PEAK1: variants seen among roughly 807,000 people sequenced by gnomAD.
The protein encoded by PEAK1 is inactive tyrosine-protein kinase PEAK1.
In PEAK1, 54 loss-of-function variants were observed where a neutral mutation model predicts 124.7. The ratio of observed to expected loss-of-function variants is 0.43; its 90% confidence interval spans 0.35 to 0.54. PEAK1 has a LOEUF of 0.54. PEAK1 is among the 20% of genes least tolerant of loss of function. The probability of loss-of-function intolerance (pLI) is 0.01; values close to 1 mark genes in which losing one functional copy is unlikely to be tolerated. For missense variants in PEAK1, 2,046 were observed against 2,134.5 expected (o/e 0.96, Z 0.82); for synonymous variants, 719 against 760.0 (o/e 0.95, Z 0.89).
chr15:77,395,647 G>C (rs542475834), intron 1 of PEAK1, among the ~76,000 whole-genome samples: 33 of 151,892 alleles, frequency 2.2e-4, no homozygotes, highest in Non-Finnish European at 4.1e-4. Flanking sequence ...CGAGACAAGA[G>C]GCACAACATA....
chr15:77,152,449 C>A (rs1233357429), intron 8 of PEAK1, among the ~76,000 whole-genome samples: 1 of 152,100 alleles, frequency 6.6e-6, no homozygotes, highest in Non-Finnish European at 1.5e-5. Flanking sequence ...GACAATTTGA[C>A]TTCCTCTTTT....
At chr15:77,420,741 C>G (rs1435056662), upstream of PEAK1, 6 of 396,752 alleles carry the variant, frequency 1.5e-5, no homozygotes, top group African/African-American at 4.1e-5. Flanking sequence ...TGTGAAGGTA[C>G]CGTGGAAAAT....
At chr15:77,266,250 A>G (rs2152948324) in intron 5 of PEAK1, among the ~76,000 whole-genome samples, 1 of 152,248 alleles carries the variant, frequency 6.6e-6, no homozygotes, top group South Asian at 2.1e-4. Flanking sequence ...GTTAAAGTAT[A>G]ATAATAAAAA....
At chr15:77,351,049 CT>C in intron 2 of PEAK1, 1 of 643,456 alleles carries the variant, frequency 1.6e-6, no homozygotes, top group Non-Finnish European at 1.9e-6. Context: ...CAGCCCCTGC[CT>C]TCAGAGGCAG....
At chr15:77,337,758 G>T (rs981072003) in intron 2 of PEAK1, 2 of 985,166 alleles carry the variant, frequency 2.0e-6, no homozygotes, top group African/African-American at 3.5e-5. Context: ...AAGAGCTGGG[G>T]AGACAAAATC....
intron 5 of PEAK1, among the ~76,000 whole-genome samples, chr15:77,263,648 G>A (rs1385602878): frequency 2.0e-5 from 3 of 152,110 alleles, no homozygotes; most frequent in Non-Finnish European, 2.9e-5. Flanking sequence ...AGGACCAGAT[G>A]GATTCACAGC....
intron 8 of PEAK1, among the ~76,000 whole-genome samples, chr15:77,145,125 T>C (rs2054080330): frequency 1.3e-5 from 2 of 152,244 alleles, no homozygotes; most frequent in African/African-American, 4.8e-5. Context: ...TGAGCTTCCA[T>C]AATCTACCTC....
intron 2 of PEAK1, among the ~76,000 whole-genome samples, chr15:77,315,001 A>C (rs2064783028): frequency 6.6e-6 from 1 of 152,128 alleles, no homozygotes. Flanking sequence ...TCAGCATCAC[A>C]CAGTATACCC....
intron 8 of PEAK1, among the ~76,000 whole-genome samples, chr15:77,152,536 G>T (rs2054739748): frequency 6.6e-6 from 1 of 152,102 alleles, no homozygotes; most frequent in East Asian, 1.9e-4. Flanking sequence ...TTGAATAGGA[G>T]CGGTGAGAGA....
At position 77,252,396 on chromosome 15, in the gene PEAK1, T is replaced by C; in HGVS notation, c.-144A>G. The C allele has an allele frequency of 2.0e-6, 2 of 985,450 alleles. No individual in the cohort carries two copies. Among genetic ancestry groups the C allele is most frequent in the Non-Finnish European group, 2.4e-6 (2 of 829,906 alleles). The allele number at this position is 985,450 out of a possible 1,614,324, so 61.0% of individuals were successfully genotyped here. A position where few individuals can be genotyped will look rare whatever the true frequency, so the allele number is the denominator to read the frequency against. ...TAAATCTGAAGCACTTCATTCATTC[T>C]GGTGACAAAGGTGGTTTTAGCAGCT... On this transcript the variant is annotated 5_prime_UTR_variant, in exon 6 of 10. Transcript: ENST00000682557.
chr15:77,391,979 A>G (rs958326128), intron 1 of PEAK1, among the ~76,000 whole-genome samples: 1 of 152,206 alleles, frequency 6.6e-6, no homozygotes, highest in Admixed American at 6.5e-5. Context: ...CCTATAAACT[A>G]TCTCTATATC....
intron 9 of PEAK1, among the ~76,000 whole-genome samples, chr15:77,123,962 A>G (rs979801530): frequency 1.3e-5 from 2 of 152,218 alleles, no homozygotes; most frequent in Non-Finnish European, 2.9e-5. Flanking sequence ...TTTGGAAATC[A>G]ATTTGGCTCT....
chr15:77,221,901 A>G (rs2059407111), intron 6 of PEAK1, among the ~76,000 whole-genome samples: 1 of 152,118 alleles, frequency 6.6e-6, no homozygotes, highest in African/African-American at 2.4e-5. Context: ...GCCAATTTTA[A>G]GTCGTGCTCC....
intron 6 of PEAK1, among the ~76,000 whole-genome samples, chr15:77,189,356 T>TATGC (rs1347892555): frequency 6.6e-6 from 1 of 152,186 alleles, no homozygotes; most frequent in Non-Finnish European, 1.5e-5. Context: ...TGCATGCACG[T>TATGC]ATGCATGCAT....
rs1053955052 is a variant in PEAK1, at chr15:77,180,302, C to T, written c.1625G>A (p.Arg542Gln). The change falls in exon 7 of 10, where the codon CGA becomes CAA. Residue 542 changes from arginine to glutamine, a missense_variant. Coordinates refer to ENST00000682557, the MANE Select transcript of PEAK1 (RefSeq NM_001385026.1). ...QEVWTSSTSP[R>Q]QKIPKVELIT... is the part of the protein sequence containing the mutation. ...TAGTTCTACTTTAGGTATCTTTTGTCGTGGACTGGTGCTAGAAGTCCATAC... is the reference window on the plus strand; with the variant it reads ...TAGTTCTACTTTAGGTATCTTTTGTTGTGGACTGGTGCTAGAAGTCCATAC... The T allele has an allele frequency of 2.3e-5, 37 of 1,614,022 alleles. No individual in the cohort carries two copies. Among genetic ancestry groups the T allele is most frequent in the Non-Finnish European group, 3.0e-5 (35 of 1,179,986 alleles).
chr15:77,180,216 T>C lies in PEAK1; in HGVS notation c.1711A>G (p.Thr571Ala), dbSNP rs368382628. 17 of 1,614,058 alleles carry C rather than the reference T, an allele frequency of 1.1e-5. No homozygotes were observed. The highest frequency in any genetic ancestry group is 1.3e-5 in the Non-Finnish European group (15 of 1,180,016). Residue 571 changes from threonine (T) to alanine (A), a missense_variant, in exon 7 of 10, where the codon ACA becomes GCA. By Grantham distance (58) the Thr-to-Ala change is moderately conservative. Coordinates refer to ENST00000682557, the MANE Select transcript of PEAK1 (RefSeq NM_001385026.1). ...PRKNCHKSAP[T>A]SPTATNISSK... ...GAAATGTTTGTAGCTGTGGGTGATG[T>C]AGGTGCTGATTTGTGACAGTTTTTC...
chr15:77,313,180 A>C (rs1246042281), intron 2 of PEAK1, among the ~76,000 whole-genome samples: 1 of 152,192 alleles, frequency 6.6e-6, no homozygotes, highest in Non-Finnish European at 1.5e-5. Flanking sequence ...TTAAATACAC[A>C]CACAAAATAT....
In PEAK1 at chr15:77,393,708, T is replaced by C. The variant is rs116752412; in HGVS notation, c.-666+26298A>G. Among the ~76,000 whole-genome samples the C allele has an allele frequency of 7.3e-3, 1,106 of 152,150 alleles. 15 individuals carry two copies. The highest frequency in any genetic ancestry group is 0.025 in the African/African-American group (1,052 of 41,502). ...ACACCTCATACATTCCCAGCTGTGG[T>C]AGCTACAAGGAGAGACTCCTTCTGC... On this transcript the variant is annotated intron_variant, in intron 1 of 9. Transcript: ENST00000682557.
At chr15:77,129,020 G>GT in intron 9 of PEAK1, among the ~76,000 whole-genome samples, 1 of 152,170 alleles carries the variant, frequency 6.6e-6, no homozygotes, top group Non-Finnish European at 1.5e-5. Context: ...CCCAATGTGA[G>GT]ACAGTACCTA....
Sources: gnomAD v4.1 joint callset for allele counts (sites outside exome capture counted in the v4.1 genomes callset) on GRCh38, gnomAD v4.1.1 for gene constraint, MANE v1.5 for transcripts, NCBI Gene and HGNC (gene_info 2026-07-23, HGNC 2026-07-21) for gene names.